Variants in TCERG1L observed in about 807,000 individuals in gnomAD.
The protein encoded by TCERG1L is transcription elongation regulator 1-like protein.
Under a neutral mutation model 56.3 loss-of-function variants are expected in TCERG1L, and 37 were observed. The observed-to-expected ratio is 0.66, with a 90% CI of 0.51 to 0.87. The LOEUF is 0.87. Ranked by LOEUF, TCERG1L falls within the 40% of genes least tolerant of loss-of-function variation. The pLI is 0.00. For synonymous variants in TCERG1L, 324 were observed against 326.3 expected (o/e 0.99, Z 0.08); for missense variants, 799 against 774.2 (o/e 1.03, Z -0.38).
Position 131,267,118 on chromosome 10 carries a change from C to T in TCERG1L, c.671-6674G>A, listed in dbSNP as rs1042591065. On this transcript the variant is annotated intron_variant, in intron 3 of 11. Transcript: ENST00000368642. The surrounding 1 kb of genome is among the most constrained non-coding windows in gnomAD (Gnocchi z 4.9). Reference sequence around the variant, plus strand: ...CTGCCTCCTGCCACCACTCATCATGCCCAGGCCGCTTGCACCCAGGGGTAC... The same window carrying T: ...CTGCCTCCTGCCACCACTCATCATGTCCAGGCCGCTTGCACCCAGGGGTAC... Among the ~76,000 whole-genome samples the T allele has an allele frequency of 1.3e-5, 2 of 152,168 alleles. No homozygotes were observed. The highest frequency in any genetic ancestry group is 6.5e-5 in the Admixed American group (1 of 15,286).
At chr10:131,241,354 G>A (rs1266998272) in intron 4 of TCERG1L, among the ~76,000 whole-genome samples, 1 of 152,160 alleles carries the variant, frequency 6.6e-6, no homozygotes, top group African/African-American at 2.4e-5. Context: ...TAAGAGACAG[G>A]GAGGGATGAC....
chr10:131,273,657 T>A (rs1390890931), intron 3 of TCERG1L, among the ~76,000 whole-genome samples: 2 of 151,982 alleles, frequency 1.3e-5, no homozygotes, highest in Admixed American at 6.5e-5. Context: ...GCGGAGGGCG[T>A]CATTTCCCCC....
chr10:131,136,812 A>C (rs1197491491), intron 7 of TCERG1L, among the ~76,000 whole-genome samples: 2 of 151,334 alleles, frequency 1.3e-5, no homozygotes, highest in Non-Finnish European at 2.9e-5. Flanking sequence ...AGGCATTTCT[A>C]CTTCCTGGCT....
intron 4 of TCERG1L, among the ~76,000 whole-genome samples, chr10:131,189,766 T>C (rs1056353011): frequency 4.6e-5 from 7 of 152,196 alleles, no homozygotes; most frequent in Admixed American, 2.0e-4. Flanking sequence ...CTGATTTTCA[T>C]AGAGGTTGTA....
At position 131,110,022 on chromosome 10, in the gene TCERG1L, G is replaced by T. The variant is rs116197605; in HGVS notation, c.1396-5668C>A. On this transcript the variant is annotated intron_variant, in intron 9 of 11. Transcript: ENST00000368642. ...GCAGGTGTCCTTGACTGCAGGTCGC[G>T]TGTGGCACCGTCCCAGCCCGCAGGC... 2.3e-4 allele frequency among the ~76,000 whole-genome samples: 35 copies of T among 152,300 alleles called. No individual in the cohort carries two copies. In the South Asian group the frequency reaches 6.6e-3, roughly 29 times the overall value.
chr10:131,200,017 C>T (rs1253823591), intron 4 of TCERG1L, among the ~76,000 whole-genome samples: 1 of 152,190 alleles, frequency 6.6e-6, no homozygotes. Flanking sequence ...CTCTGAATGG[C>T]CCTTCCCATC....
intron 4 of TCERG1L, among the ~76,000 whole-genome samples, chr10:131,225,083 A>G (rs1219035262): frequency 6.6e-6 from 1 of 152,162 alleles, no homozygotes; most frequent in Non-Finnish European, 1.5e-5. Context: ...GCAGATGGGA[A>G]CAAAGAGGTT....
At chr10:131,279,673 C>G (rs777907298) in intron 3 of TCERG1L, among the ~76,000 whole-genome samples, 2 of 152,204 alleles carry the variant, frequency 1.3e-5, no homozygotes, top group African/African-American at 4.8e-5. Context: ...TGGAGGAGCA[C>G]AGGCCACCCA....
intron 4 of TCERG1L, among the ~76,000 whole-genome samples, chr10:131,196,116 T>C (rs1273127398): frequency 1.3e-5 from 2 of 152,212 alleles, no homozygotes; most frequent in Non-Finnish European, 2.9e-5. Context: ...GGTACTCCCG[T>C]TGCAGGAGAC....
intron 6 of TCERG1L, among the ~76,000 whole-genome samples, chr10:131,152,041 C>T (rs1845872100): frequency 6.6e-6 from 1 of 152,194 alleles, no homozygotes. Flanking sequence ...CCTCCTAGCC[C>T]TCCAGGCCTG....
At chr10:131,226,582 C>A (rs1236834881) in intron 4 of TCERG1L, among the ~76,000 whole-genome samples, 1 of 152,224 alleles carries the variant, frequency 6.6e-6, no homozygotes, top group Non-Finnish European at 1.5e-5. Flanking sequence ...TTCTGCTCAG[C>A]AGCACAGTCT....
intron 3 of TCERG1L, among the ~76,000 whole-genome samples, chr10:131,282,137 G>GAAAAAAAA (rs543405432): frequency 1.1e-5 from 1 of 92,544 alleles, no homozygotes; most frequent in Non-Finnish European, 2.1e-5. Flanking sequence ...CTCCATCTCA[G>GAAAAAAAA]AAAAAAAAAA....
chr10:131,136,546 A>T (rs931135626), intron 7 of TCERG1L, among the ~76,000 whole-genome samples: 11 of 152,068 alleles, frequency 7.2e-5, no homozygotes, highest in Admixed American at 7.2e-4. Flanking sequence ...CCCAGGCTGG[A>T]GTACAGTGGT....
intron 4 of TCERG1L, among the ~76,000 whole-genome samples, chr10:131,171,753 T>C (rs1003807197): frequency 1.3e-5 from 2 of 152,158 alleles, no homozygotes; most frequent in Non-Finnish European, 2.9e-5. Context: ...GTATTTTTAG[T>C]AGAGATAGGG....
At chr10:131,243,399 T>C (rs371958917) in intron 4 of TCERG1L, among the ~76,000 whole-genome samples, 49 of 152,222 alleles carry the variant, frequency 3.2e-4, no homozygotes, top group East Asian at 1.7e-3. Context: ...GTAGCCAACG[T>C]TGCAAACCCC....
At chr10:131,248,280 GAC>G (rs5789078) in intron 4 of TCERG1L, among the ~76,000 whole-genome samples, 147,913 of 151,154 alleles carry the variant, frequency 0.98, 72,389 homozygotes, top group South Asian at 1. Flanking sequence ...ACACCCACAG[GAC>G]ACACACACAC....
At chr10:131,282,558 T>C (rs74233338) in intron 3 of TCERG1L, among the ~76,000 whole-genome samples, 3 of 152,128 alleles carry the variant, frequency 2.0e-5, no homozygotes, top group Non-Finnish European at 4.4e-5. Flanking sequence ...CAAGTTAATA[T>C]ACTAAAATGT....
intron 3 of TCERG1L, among the ~76,000 whole-genome samples, chr10:131,307,921 G>GGTTC (rs1467303877): frequency 6.6e-6 from 1 of 151,864 alleles, no homozygotes; most frequent in African/African-American, 2.4e-5. Flanking sequence ...GCTATCAGCA[G>GGTTC]GAAACCTGGT....
At chr10:131,194,504 G>A (rs963922276) in intron 4 of TCERG1L, among the ~76,000 whole-genome samples, 1 of 152,180 alleles carries the variant, frequency 6.6e-6, no homozygotes, top group East Asian at 1.9e-4. Flanking sequence ...GACTTTGCTT[G>A]TGATCACAGT....
Sources: allele counts gnomAD v4.1 joint callset (sites outside exome capture counted in the v4.1 genomes callset), GRCh38; gene constraint gnomAD v4.1.1; non-coding constraint Gnocchi (gnomAD v3.1); transcripts MANE v1.5; gene names NCBI Gene and HGNC (gene_info 2026-07-23, HGNC 2026-07-21).